DOCK11: variants seen among roughly 807,000 people sequenced by gnomAD.
DOCK11 encodes the protein dedicator of cytokinesis 11.
In DOCK11, 70 loss-of-function variants were observed where a neutral mutation model predicts 169.1. The ratio of observed to expected loss-of-function variants is 0.41; its 90% CI spans 0.34 to 0.51. DOCK11 has a LOEUF of 0.51. DOCK11 is among the 20% of genes least tolerant of loss of function. DOCK11 has a pLI of 0.10. For missense variants in DOCK11, 1,166 were observed against 1,538.8 expected, an observed-to-expected ratio of 0.76 and a Z score of 4.05; for synonymous variants, 529 against 541.3, an observed-to-expected ratio of 0.98 and a Z score of 0.32.
intron 1 of DOCK11, among the ~76,000 whole-genome samples, chrX:118,506,950 GT>G (rs1354268073): frequency 8.9e-6 from 1 of 111,769 alleles, no homozygotes; most frequent in Non-Finnish European, 1.9e-5. Context: ...GTGCACACAG[GT>G]TCCTAGCAGA....
At chrX:118,565,092 C>T (rs896533592) in intron 7 of DOCK11, among the ~76,000 whole-genome samples, 3 of 94,675 alleles carry the variant, frequency 3.2e-5, no homozygotes, top group East Asian at 3.9e-4. Context: ...TGCGCCATCA[C>T]GCCTGGCTAT....
At chrX:118,682,310 T>C (rs2016764035) in intron 51 of DOCK11, among the ~76,000 whole-genome samples, 1 of 111,040 alleles carries the variant, frequency 9.0e-6, no homozygotes, top group Non-Finnish European at 1.9e-5. Context: ...CTTTAATATA[T>C]AAAAGTCTTC....
At chrX:118,567,137 G>A (rs1407634812) in intron 9 of DOCK11, among the ~76,000 whole-genome samples, 3 of 111,584 alleles carry the variant, frequency 2.7e-5, no homozygotes, top group Non-Finnish European at 5.6e-5. Flanking sequence ...TTACTCTGCT[G>A]TTTGAAGTTT....
chrX:118,572,694 T>C (rs953035014), intron 11 of DOCK11, among the ~76,000 whole-genome samples: 6 of 111,900 alleles, frequency 5.4e-5, no homozygotes, highest in African/African-American at 1.9e-4. Flanking sequence ...AATAATTGAC[T>C]GTGTGAAAAT....
At chrX:118,583,450 C>CAT (rs201700621) in intron 14 of DOCK11, among the ~76,000 whole-genome samples, 221 of 109,897 alleles carry the variant, frequency 2.0e-3, no homozygotes, top group African/African-American at 6.7e-3. Flanking sequence ...TATATACACA[C>CAT]ATATATATAT....
At chrX:118,533,801 G>T (rs1187349428) in intron 1 of DOCK11, among the ~76,000 whole-genome samples, 1 of 112,253 alleles carries the variant, frequency 8.9e-6, no homozygotes, top group Non-Finnish European at 1.9e-5. Context: ...TTTTGTTGTT[G>T]TTGTTGTTAC....
At chrX:118,566,304 A>G in intron 8 of DOCK11, 122 bp downstream of exon 8, 1 of 685,794 alleles carries the variant, frequency 1.5e-6, no homozygotes, top group South Asian at 3.1e-5. Context: ...TTCTTCATTA[A>G]TAAGTGACTG....
chrX:118,510,516 C>T (rs1191008240), intron 1 of DOCK11, among the ~76,000 whole-genome samples: 7 of 111,702 alleles, frequency 6.3e-5, no homozygotes, highest in Admixed American at 1.9e-4. Flanking sequence ...AGACACTTTG[C>T]GGGCATTTAG....
intron 19 of DOCK11, among the ~76,000 whole-genome samples, chrX:118,591,626 T>C (rs1392152662): frequency 1.9e-5 from 2 of 106,810 alleles, no homozygotes; most frequent in Non-Finnish European, 3.9e-5. Context: ...TAATCATTCT[T>C]TTCTTTTTTA....
chrX:118,536,538 G>A (rs2011758616), intron 1 of DOCK11, among the ~76,000 whole-genome samples: 1 of 111,841 alleles, frequency 8.9e-6, no homozygotes, highest in African/African-American at 3.2e-5. Flanking sequence ...AAATCGATAT[G>A]ATGAAATTCT....
intron 38 of DOCK11, among the ~76,000 whole-genome samples, chrX:118,639,879 G>T (rs1458749495): frequency 8.9e-6 from 1 of 111,777 alleles, no homozygotes; most frequent in Non-Finnish European, 1.9e-5. Flanking sequence ...ACAATTTTAG[G>T]TCATGATGTT....
At chrX:118,511,083 G>A (rs2057648408) in intron 1 of DOCK11, among the ~76,000 whole-genome samples, 1 of 112,094 alleles carries the variant, frequency 8.9e-6, no homozygotes, top group Non-Finnish European at 1.9e-5. Flanking sequence ...CTCTATCGTA[G>A]ATGTGGATTG....
At chrX:118,580,252 C>A in intron 14 of DOCK11, 73 bp downstream of exon 14, 1 of 840,646 alleles carries the variant, frequency 1.2e-6, no homozygotes, top group Non-Finnish European at 1.7e-6. Context: ...TACTTACCAG[C>A]ATTCAGCACT....
intron 1 of DOCK11, among the ~76,000 whole-genome samples, chrX:118,500,000 G>C (rs1228618623): frequency 1.8e-5 from 2 of 110,240 alleles, no homozygotes; most frequent in Non-Finnish European, 3.8e-5. Flanking sequence ...TCTGGATTGA[G>C]TCTTTTTCTA....
intron 1 of DOCK11, among the ~76,000 whole-genome samples, chrX:118,518,844 A>C (rs1438676113): frequency 1.8e-5 from 2 of 111,773 alleles, no homozygotes; most frequent in East Asian, 5.6e-4. Context: ...TGATGTTGAT[A>C]GTAGGGGAGG....
intron 52 of DOCK11, among the ~76,000 whole-genome samples, chrX:118,684,873 C>A (rs2890080): frequency 0.11 from 12,345 of 111,381 alleles, 1,016 homozygotes; most frequent in African/African-American, 0.28. Flanking sequence ...TGTCTCAATA[C>A]TGCCACTATA....
At position 118,630,380 on chromosome X, in the gene DOCK11, C is replaced by A. The variant is rs753862087; in HGVS notation, c.3776C>A (p.Thr1259Asn). The A allele has an allele frequency of 8.4e-7, 1 of 1,187,396 alleles. No homozygotes were observed. Among genetic ancestry groups the A allele is most frequent in the Non-Finnish European group, 1.1e-6 (1 of 876,344 alleles). ...FPDQGNTGEN[T>N]RQSSTRSSVS... ...TTCACGAACATCCTGTCCTTACAGA[C>A]CCGACAGAGTTCTACAAGGAGTAGT... Residue 1259 changes from threonine (T) to asparagine (N), a missense_variant and splice_region_variant, in exon 35 of 53, where the codon ACC (threonine) becomes AAC (asparagine). Thr to Asn is a moderately conservative substitution (Grantham distance 65). Transcript: ENST00000276202.
At chrX:118,543,635 T>C (rs2012119410) in intron 4 of DOCK11, 42 bp downstream of exon 4, 1 of 1,097,666 alleles carries the variant, frequency 9.1e-7, no homozygotes, top group Non-Finnish European at 1.3e-6. Flanking sequence ...AGGAGAATTA[T>C]TAAGCTTTTT....
chrX:118,598,863 G>A (rs1306890707), intron 22 of DOCK11, among the ~76,000 whole-genome samples: 1 of 111,461 alleles, frequency 9.0e-6, no homozygotes, highest in Non-Finnish European at 1.9e-5. Flanking sequence ...CATTAAAATG[G>A]AGAAGCAGCC....
Sources: gnomAD v4.1 joint callset for allele counts (sites outside exome capture counted in the v4.1 genomes callset) on GRCh38, gnomAD v4.1.1 for gene constraint, MANE v1.5 for transcripts, NCBI Gene and HGNC (gene_info 2026-07-23, HGNC 2026-07-21) for gene names.